PBRM1: variants seen among roughly 807,000 people sequenced by gnomAD.
The protein encoded by PBRM1 is polybromo 1, also known as protein polybromo-1.
Under a neutral mutation model 194.5 loss-of-function variants are expected in PBRM1, and 27 were observed. That is an observed-to-expected ratio of 0.14 (90% CI 0.10 to 0.19). The LOEUF is 0.19. Among genes scored for constraint, PBRM1 ranks in the 10% least tolerant of loss-of-function variants. The probability of loss-of-function intolerance (pLI) is 1.00; values close to 1 mark genes in which losing one functional copy is unlikely to be tolerated. For missense variants in PBRM1, 1,466 were observed against 2,077.2 expected (o/e 0.71, Z 5.72); for synonymous variants, 655 against 693.2 (o/e 0.94, Z 0.87).
chr3:52,676,302 G>A (rs1055828139), intron 2 of PBRM1, among the ~76,000 whole-genome samples: 1 of 152,242 alleles, frequency 6.6e-6, no homozygotes, highest in African/African-American at 2.4e-5. Flanking sequence ...AGCTTGAATT[G>A]TTATCTCCTA....
intron 3 of PBRM1, 29 bp from the exon 5 acceptor site, chr3:52,662,305 AC>A: frequency 6.4e-7 from 1 of 1,562,848 alleles, no homozygotes; most frequent in Non-Finnish European, 8.6e-7. Context: ...AAAAAAAAAA[AC>A]ACTTTAGTAA....
chr3:52,546,082 G>T, downstream of PBRM1: 1 of 233,080 alleles, frequency 4.3e-6, no homozygotes, highest in Non-Finnish European at 8.5e-6. Context: ...CTGGGAAGGA[G>T]CCTGGAGGAG....
At chr3:52,602,260 G>A (rs1407905106) in intron 17 of PBRM1, among the ~76,000 whole-genome samples, 1 of 151,994 alleles carries the variant, frequency 6.6e-6, no homozygotes, top group East Asian at 1.9e-4. Flanking sequence ...CTCCTCTGGA[G>A]CTCCCACTAT....
chr3:52,609,624 T>C lies in PBRM1; in HGVS notation c.2256A>G (p.Leu752=), dbSNP rs758746319. 3.7e-6 allele frequency: 6 copies of C among 1,613,366 alleles called. No homozygotes were observed. Among genetic ancestry groups the C allele is most frequent in the Non-Finnish European group, 5.1e-6 (6 of 1,179,582 alleles). The change falls in exon 16 of 30, where the codon CTA becomes CTG. Residue 752 remains leucine (L), a synonymous_variant. Coordinates refer to ENST00000296302, the Ensembl canonical transcript of PBRM1. This position sits in a 1 kb window ranked among gnomAD's most constrained non-coding sequence, Gnocchi z 4.1. Reference sequence around the variant, plus strand: ...TGCGTGTTTCAAGCAGGACTTTGTGTAGAACAAGAGCATCTTTGTAGATCA... The same window carrying C: ...TGCGTGTTTCAAGCAGGACTTTGTGCAGAACAAGAGCATCTTTGTAGATCA...
downstream of PBRM1, chr3:52,546,315 T>G (rs929442737): frequency 5.2e-5 from 12 of 232,392 alleles, no homozygotes; most frequent in Admixed American, 2.8e-4. Flanking sequence ...ATTGCCCAAA[T>G]AGCCAGGAAT....
At chr3:52,588,245 C>T (rs759249397) in intron 18 of PBRM1, among the ~76,000 whole-genome samples, 1 of 152,120 alleles carries the variant, frequency 6.6e-6, no homozygotes, top group African/African-American at 2.4e-5. Flanking sequence ...AACTGGATTG[C>T]CTGGATCACA....
intron 1 of PBRM1, among the ~76,000 whole-genome samples, chr3:52,685,231 T>C (rs949334073): frequency 2.0e-5 from 3 of 152,120 alleles, no homozygotes; most frequent in Non-Finnish European, 4.4e-5. Context: ...AACCAAGAAA[T>C]ATACACAGTT....
intron 6 of PBRM1, among the ~76,000 whole-genome samples, chr3:52,649,789 C>G (rs940990822): frequency 2.0e-5 from 3 of 152,084 alleles, no homozygotes; most frequent in African/African-American, 7.2e-5. Flanking sequence ...AGTTTTTCAT[C>G]AGAGAGGTAA....
intron 2 of PBRM1, among the ~76,000 whole-genome samples, chr3:52,676,563 C>T (rs1158872268): frequency 1.8e-4 from 28 of 152,152 alleles, no homozygotes; most frequent in Admixed American, 1.7e-3. Flanking sequence ...TCTTTTTCTT[C>T]CCAGTCTCGG....
intron 10 of PBRM1, among the ~76,000 whole-genome samples, chr3:52,637,771 T>TACAAAAAAAAAAAAAAAAAAAA (rs2095876338): frequency 4.8e-5 from 1 of 20,988 alleles, no homozygotes; most frequent in Non-Finnish European, 1.0e-4. Flanking sequence ...CTACTAAAAA[T>TACAAAAAAAAAAAAAAAAAAAA]ACAAAAAAAA....
chr3:52,596,419 AGAGT>A (rs2093552429), intron 17 of PBRM1, among the ~76,000 whole-genome samples: 1 of 131,640 alleles, frequency 7.6e-6, no homozygotes, highest in African/African-American at 3.0e-5. Context: ...GCCTGGCGAC[AGAGT>A]GAGACTCCGT....
intron 15 of PBRM1, among the ~76,000 whole-genome samples, chr3:52,610,651 G>C (rs1000609327): frequency 1.3e-5 from 2 of 152,136 alleles, no homozygotes; most frequent in Non-Finnish European, 2.9e-5. Context: ...ATAGAATATA[G>C]GAACCGGCTG....
intron 15 of PBRM1, among the ~76,000 whole-genome samples, chr3:52,614,235 C>T (rs954699957): frequency 2.0e-5 from 3 of 151,780 alleles, no homozygotes; most frequent in African/African-American, 7.3e-5. Flanking sequence ...ACTGGCTGGG[C>T]CTGGTGGCGT....
In PBRM1 at chr3:52,634,481, G is replaced by C. The variant is rs896230531; in HGVS notation, c.1301+121C>G. ...AGGTAATGAACAGTTAAAATTTGAG[G>C]TTAAAAAAAAACACCATTTTTACCT... On this transcript the variant is annotated intron_variant, in intron 11 of 29. Transcript: ENST00000296302. 1.9e-5 allele frequency: 12 copies of C among 644,418 alleles called. No individual in the cohort carries two copies. The African/African-American group carries it at 1.9e-4, about 10-fold the overall frequency. 39.9% of individuals were successfully genotyped at this position (644,418 alleles called of 1,614,324 possible).
intron 16 of PBRM1, chr3:52,608,973 T>TA: frequency 4.5e-6 from 1 of 221,966 alleles, no homozygotes; most frequent in Non-Finnish European, 9.0e-6. Flanking sequence ...AGCCAAACCT[T>TA]AAAAGAAAAA....
chr3:52,622,828 C>G (rs1379272689), intron 13 of PBRM1, among the ~76,000 whole-genome samples: 1 of 152,170 alleles, frequency 6.6e-6, no homozygotes, highest in Non-Finnish European at 1.5e-5. Context: ...TATCAATATT[C>G]TTCCTCTAAA....
intron 5 of PBRM1, 35 bp from the exon 7 acceptor site, chr3:52,651,845 TA>T: frequency 7.4e-7 from 1 of 1,351,826 alleles, no homozygotes. Context: ...CTCAATAAGT[TA>T]AACTATTCAG....
At chr3:52,669,923 A>G (rs2096913618) in intron 2 of PBRM1, among the ~76,000 whole-genome samples, 1 of 152,218 alleles carries the variant, frequency 6.6e-6, no homozygotes, top group Non-Finnish European at 1.5e-5. Context: ...TCAACCAAAA[A>G]AATCAGAATA....
chr3:52,614,571 CTTT>C (rs755634978), intron 15 of PBRM1, among the ~76,000 whole-genome samples: 3 of 137,498 alleles, frequency 2.2e-5, no homozygotes, highest in Admixed American at 7.4e-5. Flanking sequence ...TTTTTCTTCC[CTTT>C]TTTTTTTTTT....
Sources: gnomAD v4.1 joint callset for allele counts (sites outside exome capture counted in the v4.1 genomes callset) on GRCh38, gnomAD v4.1.1 for gene constraint, Gnocchi (gnomAD v3.1) non-coding constraint, MANE v1.5 for transcripts, NCBI Gene and HGNC (gene_info 2026-07-23, HGNC 2026-07-21) for gene names.